DST: variants seen among roughly 807,000 people sequenced by gnomAD.
DST encodes dystonin.
Under a neutral mutation model 875.2 loss-of-function variants are expected in DST, and 253 were observed. The ratio of observed to expected loss-of-function variants is 0.29; its 90% confidence interval spans 0.26 to 0.32. The LOEUF (loss-of-function observed/expected upper bound fraction) is 0.32. Among genes scored for constraint, DST ranks in the 10% least tolerant of loss-of-function variants. DST has a pLI of 1.00. For missense variants in DST, 8,287 were observed against 9,111.6 expected, an observed-to-expected ratio of 0.91 and a Z score of 3.68; for synonymous variants, 3,124 against 3,197.1, an observed-to-expected ratio of 0.98 and a Z score of 0.77.
chr6:56,691,103 C>A (rs1217340206), intron 9 of DST, among the ~76,000 whole-genome samples: 1 of 152,118 alleles, frequency 6.6e-6, no homozygotes, highest in Non-Finnish European at 1.5e-5. Context: ...GCTAATGTAC[C>A]ACTAAGGAAA....
In DST at chr6:56,685,765, C is replaced by A. The variant is rs749968698; in HGVS notation, c.1047+13888G>T. 4.0e-5 allele frequency among the ~76,000 whole-genome samples: 6 copies of A among 151,876 alleles called. No individual in the cohort carries two copies. The East Asian group carries it at 5.8e-4, about 15-fold the overall frequency. On this transcript the variant is annotated intron_variant, in intron 9 of 103. Transcript: ENST00000680361. ...ACTCTGTCTCAAAAAAAATAAAAAT[C>A]AAAATTAAAAAAAATTCAAAAAAGT... is the stretch of plus-strand genomic sequence containing the variant.
At chr6:56,600,580 T>C (rs760080781) in intron 44 of DST, among the ~76,000 whole-genome samples, 1 of 152,044 alleles carries the variant, frequency 6.6e-6, no homozygotes, top group Non-Finnish European at 1.5e-5. Flanking sequence ...GAGAAGTTAG[T>C]TGTGATTTGT....
intron 2 of DST, among the ~76,000 whole-genome samples, chr6:56,929,619 T>A (rs1346114669): frequency 1.3e-5 from 2 of 152,308 alleles, no homozygotes; most frequent in Non-Finnish European, 1.5e-5. Context: ...TTCTCACTGA[T>A]ATACTTTTAT....
intron 9 of DST, among the ~76,000 whole-genome samples, chr6:56,691,359 G>A (rs1475887681): frequency 6.6e-6 from 1 of 152,168 alleles, no homozygotes; most frequent in Non-Finnish European, 1.5e-5. Flanking sequence ...TTGGCAAGGT[G>A]TAGCGGTGTA....
intron 5 of DST, among the ~76,000 whole-genome samples, chr6:56,712,105 A>AAAAAAAAAAAAAAAAAAAAAAAAAAAAT (rs1563813928): frequency 1.3e-5 from 2 of 150,572 alleles, no homozygotes; most frequent in African/African-American, 2.4e-5. Flanking sequence ...AAAAAAAAAA[A>AAAAAAAAAAAAAAAAAAAAAAAAAAAAT]ATAGGAGGAG....
At chr6:56,465,358 T>C (rs970284650) in intron 99 of DST, among the ~76,000 whole-genome samples, 7 of 152,180 alleles carry the variant, frequency 4.6e-5, no homozygotes, top group African/African-American at 1.4e-4. Flanking sequence ...ATAACAATTT[T>C]ATTGTTTTTT....
At position 56,722,368 on chromosome 6, in the gene DST, G is replaced by GTTTGTTTGTTTGTTTATTTATTTA. The variant is rs376637331; in HGVS notation, c.687+12859_687+12860insTAAATAAATAAACAAACAAACAAA. ...TTGACAATAAAAGTAGTACATGTTTGTTTATTTATTTATTTATTTATTTAT... is the reference window on the plus strand; with the variant it reads ...TTGACAATAAAAGTAGTACATGTTTGTTTGTTTGTTTGTTTATTTATTTATTTATTTATTTATTTATTTATTTAT... On this transcript the variant is annotated intron_variant, in intron 5 of 103. Transcript: ENST00000680361. Among the ~76,000 whole-genome samples the GTTTGTTTGTTTGTTTATTTATTTA allele has an allele frequency of 8.6e-5, 13 of 150,708 alleles. 1 individual carries two copies. Among genetic ancestry groups the GTTTGTTTGTTTGTTTATTTATTTA allele is most frequent in the African/African-American group, 2.9e-4 (12 of 41,044 alleles).
chr6:56,595,803 C>T (rs2098369908), intron 47 of DST, among the ~76,000 whole-genome samples: 1 of 146,486 alleles, frequency 6.8e-6, no homozygotes, highest in Non-Finnish European at 1.5e-5. Context: ...CCGAGAAGGG[C>T]TTTGCACAAA....
Position 56,608,802 on chromosome 6 carries a change from T to C in DST, c.5826A>G (p.Glu1942=), listed in dbSNP as rs1221986737. The change falls in exon 40 of 104, where the codon GAA becomes GAG. Residue 1942 remains glutamate (E), a synonymous_variant. Coordinates refer to ENST00000680361, the MANE Select transcript of DST (RefSeq NM_001374736.1). ...CAGGTAGAAGCCACATCCCTGTGTT[T>C]TCCTGTAAAGTACTTCTTTGTACCA... ...IDMVQRSTLQ[E]NTGMWLLPVR... is the part of the protein sequence containing the mutation. The C allele has an allele frequency of 6.2e-7, 1 of 1,610,816 alleles. No individual in the cohort carries two copies. Among genetic ancestry groups the C allele is most frequent in the Admixed American group, 1.7e-5 (1 of 59,456 alleles).
intron 49 of DST, among the ~76,000 whole-genome samples, chr6:56,580,407 G>A (rs1331110487): frequency 5.9e-5 from 9 of 151,818 alleles, no homozygotes; most frequent in Admixed American, 3.3e-4. Flanking sequence ...AAAATTAGCC[G>A]GGCACGGTAG....
chr6:56,610,430 C>T lies in DST; in HGVS notation c.5280G>A (p.Glu1760=). 6.5e-7 allele frequency: 1 copy of T among 1,549,882 alleles called. No homozygotes were observed. Among genetic ancestry groups the T allele is most frequent in the Non-Finnish European group, 8.7e-7 (1 of 1,147,082 alleles). The change falls in exon 39 of 104, where the codon GAG becomes GAA. Residue 1760 remains glutamate, a synonymous_variant. Transcript: ENST00000680361. The part of the protein sequence containing the change: ...SQTSGDVKVE[E]KLDKVIAGTI... ...ATGTTTAAATAAATAATATTACCTT[C>T]TCCTCTACCTTTACATCTCCTGAGG...
intron 4 of DST, among the ~76,000 whole-genome samples, chr6:56,738,478 G>A (rs2099534597): frequency 6.6e-6 from 1 of 152,068 alleles, no homozygotes; most frequent in Non-Finnish European, 1.5e-5. Flanking sequence ...GTGCCACCAC[G>A]CTTGGCTAAT....
intron 9 of DST, among the ~76,000 whole-genome samples, chr6:56,691,125 A>T (rs1362942941): frequency 2.6e-5 from 4 of 152,210 alleles, no homozygotes; most frequent in African/African-American, 9.6e-5. Flanking sequence ...AGATTATAAA[A>T]ATTTCCATTA....
chr6:56,514,985 T>C (rs924389506), intron 72 of DST, among the ~76,000 whole-genome samples: 1 of 152,206 alleles, frequency 6.6e-6, no homozygotes, highest in South Asian at 2.1e-4. Context: ...TTCCTTTTCA[T>C]AGCTTTCATA....
chr6:56,666,564 C>T (rs927965497), intron 10 of DST, among the ~76,000 whole-genome samples: 1 of 152,026 alleles, frequency 6.6e-6, no homozygotes, highest in African/African-American at 2.4e-5. Flanking sequence ...ACCCACTGTG[C>T]CACCTCAGAT....
intron 4 of DST, among the ~76,000 whole-genome samples, chr6:56,763,786 T>C (rs771309347): frequency 3.4e-5 from 5 of 148,576 alleles, no homozygotes; most frequent in Non-Finnish European, 7.4e-5. Flanking sequence ...AAATTACCAT[T>C]TGTCTTGAGG....
intron 4 of DST, chr6:56,843,198 C>A (rs1338660948): frequency 4.7e-6 from 7 of 1,474,210 alleles, no homozygotes; most frequent in African/African-American, 2.8e-5. Context: ...CCCTCGTAAC[C>A]CCCGGACAGT....
chr6:56,911,533 C>G (rs991992293), intron 2 of DST, among the ~76,000 whole-genome samples: 2 of 152,202 alleles, frequency 1.3e-5, no homozygotes, highest in African/African-American at 2.4e-5. Context: ...CGGCATCTCG[C>G]TACTGCAGGG....
chr6:56,574,411 T>C (rs1220233614), intron 50 of DST, among the ~76,000 whole-genome samples: 5 of 152,150 alleles, frequency 3.3e-5, no homozygotes, highest in Non-Finnish European at 5.9e-5. Flanking sequence ...TGCTAAGCTT[T>C]TGTCATACTT....
Sources: allele counts gnomAD v4.1 joint callset (sites outside exome capture counted in the v4.1 genomes callset), GRCh38; gene constraint gnomAD v4.1.1; transcripts MANE v1.5; gene names NCBI Gene and HGNC (gene_info 2026-07-23, HGNC 2026-07-21).